Variants in SLCO5A1 observed in about 807,000 individuals in gnomAD.
SLCO5A1 encodes the protein solute carrier organic anion transporter family member 5A1.
A neutral mutation model predicts 65.1 loss-of-function variants in SLCO5A1; 39 were observed. The observed-to-expected ratio is 0.60, with a 90% CI of 0.46 to 0.78. The LOEUF (loss-of-function observed/expected upper bound fraction) is 0.78, where lower values mean the gene tolerates loss of function less well. SLCO5A1 is among the 30% of genes least tolerant of loss of function. The pLI, the probability that SLCO5A1 is intolerant of heterozygous loss-of-function variation, is 0.00. For missense variants in SLCO5A1, 1,029 were observed against 1,069.4 expected (o/e 0.96, Z 0.53); for synonymous variants, 438 against 415.7 (o/e 1.05, Z -0.65).
At chr8:69,697,786 T>C (rs1814563290) in intron 6 of SLCO5A1, among the ~76,000 whole-genome samples, 1 of 152,222 alleles carries the variant, frequency 6.6e-6, no homozygotes, top group Admixed American at 6.5e-5. Context: ...CAGAACATGC[T>C]AGATGACAAA....
At chr8:69,678,390 C>G (rs992223749) in intron 8 of SLCO5A1, among the ~76,000 whole-genome samples, 6 of 152,094 alleles carry the variant, frequency 3.9e-5, no homozygotes, top group Non-Finnish European at 8.8e-5. Context: ...CACCTGGACC[C>G]ATTTAGATTA....
chr8:69,734,730 C>G (rs1473655277), intron 5 of SLCO5A1, among the ~76,000 whole-genome samples: 1 of 152,082 alleles, frequency 6.6e-6, no homozygotes, highest in African/African-American at 2.4e-5. Context: ...GGGTATGTAT[C>G]TAAATAATTT....
intron 2 of SLCO5A1, among the ~76,000 whole-genome samples, chr8:69,787,074 G>T (rs544533726): frequency 6.6e-6 from 1 of 152,322 alleles, no homozygotes; most frequent in East Asian, 1.9e-4. Flanking sequence ...CCCCATGAAT[G>T]CAGCCAGAGT....
At chr8:69,762,996 T>C (rs533343720) in intron 2 of SLCO5A1, among the ~76,000 whole-genome samples, 15 of 152,194 alleles carry the variant, frequency 9.9e-5, no homozygotes, top group Admixed American at 9.2e-4. Context: ...TGTCACTGTA[T>C]CCAAAAATCT....
intron 5 of SLCO5A1, among the ~76,000 whole-genome samples, chr8:69,711,017 C>A (rs1383897035): frequency 6.6e-6 from 1 of 152,096 alleles, no homozygotes; most frequent in Non-Finnish European, 1.5e-5. Context: ...ATACTGTCCC[C>A]CCCACTCAAA....
At chr8:69,757,991 C>T (rs138160262) in intron 3 of SLCO5A1, among the ~76,000 whole-genome samples, 182 of 152,194 alleles carry the variant, frequency 1.2e-3, no homozygotes, top group African/African-American at 4.1e-3. Context: ...ACTATAGGAT[C>T]CTGTGAAAAT....
At chr8:69,683,417 A>C (rs1046737584) in intron 6 of SLCO5A1, among the ~76,000 whole-genome samples, 1 of 152,172 alleles carries the variant, frequency 6.6e-6, no homozygotes, top group African/African-American at 2.4e-5. Context: ...AAATAGATTT[A>C]GAGGGGGTGA....
intron 2 of SLCO5A1, among the ~76,000 whole-genome samples, chr8:69,796,593 G>C (rs1819510059): frequency 1.3e-5 from 2 of 151,418 alleles, no homozygotes; most frequent in Non-Finnish European, 2.9e-5. Flanking sequence ...CTCCAACCTG[G>C]GGAACAAAGC....
Position 69,714,335 on chromosome 8 carries a change from C to T in SLCO5A1, c.1424-9106G>A, listed in dbSNP as rs145547322. Among the ~76,000 whole-genome samples, 59 of 152,324 alleles carry T rather than the reference C, an allele frequency of 3.9e-4. 1 individual carries two copies. In the East Asian group the frequency reaches 6.7e-3, roughly 17 times the overall value. On this transcript the variant is annotated intron_variant, in intron 5 of 9. Coordinates refer to ENST00000260126, the MANE Select transcript of SLCO5A1 (RefSeq NM_030958.3). ...GAGGGGTAGCAAATCCCTATTTGGA[C>T]TTAGGATTAGGAAAGGCAGCCTGCA...
At position 69,683,466 on chromosome 8, in the gene SLCO5A1, G is replaced by A. The variant is rs577687950; in HGVS notation, c.1623-1123C>T. On this transcript the variant is annotated intron_variant, in intron 6 of 9. Coordinates refer to ENST00000260126, the MANE Select transcript of SLCO5A1 (RefSeq NM_030958.3). ...TCATGTGGATATATTGTGTAGTAGC[G>A]AAGTTTGGGCTTTTAGTGAACCCAT... Among the ~76,000 whole-genome samples, 5 of 152,108 alleles carry A rather than the reference G, an allele frequency of 3.3e-5. No individual in the cohort carries two copies. The South Asian group carries it at 6.2e-4, about 19-fold the overall frequency.
At chr8:69,753,776 C>T (rs917830565) in intron 4 of SLCO5A1, among the ~76,000 whole-genome samples, 6 of 151,690 alleles carry the variant, frequency 4.0e-5, no homozygotes, top group African/African-American at 7.3e-5. Flanking sequence ...TTTGAGAGGC[C>T]GAGGAGGGTG....
chr8:69,759,108 C>T (rs553243259), intron 3 of SLCO5A1, among the ~76,000 whole-genome samples: 74 of 152,270 alleles, frequency 4.9e-4, no homozygotes, highest in African/African-American at 1.8e-3. Context: ...ACAAAATAAG[C>T]ACCCAATACA....
intron 2 of SLCO5A1, among the ~76,000 whole-genome samples, chr8:69,784,914 GA>G (rs1196989488): frequency 3.0e-4 from 31 of 103,070 alleles, no homozygotes; most frequent in East Asian, 1.4e-3. Flanking sequence ...AAGAAAGAAA[GA>G]AAGAAAGAAA....
intron 6 of SLCO5A1, among the ~76,000 whole-genome samples, chr8:69,701,120 C>T (rs924248278): frequency 6.6e-6 from 1 of 152,074 alleles, no homozygotes; most frequent in Non-Finnish European, 1.5e-5. Context: ...GAACTCTGAG[C>T]TCATCAGATA....
intron 6 of SLCO5A1, among the ~76,000 whole-genome samples, chr8:69,687,319 G>C (rs1185338705): frequency 6.6e-6 from 1 of 152,108 alleles, no homozygotes; most frequent in East Asian, 1.9e-4. Context: ...AATCAACAAA[G>C]CGCAGTATGT....
At chr8:69,748,545 C>T (rs1317029029) in intron 4 of SLCO5A1, among the ~76,000 whole-genome samples, 1 of 152,166 alleles carries the variant, frequency 6.6e-6, no homozygotes, top group African/African-American at 2.4e-5. Context: ...ATAAATAGAG[C>T]AGAGCATCCA....
At chr8:69,824,572 A>C (rs1197403157) in intron 2 of SLCO5A1, among the ~76,000 whole-genome samples, 1 of 152,204 alleles carries the variant, frequency 6.6e-6, no homozygotes, top group Non-Finnish European at 1.5e-5. Flanking sequence ...CCAAGACTAA[A>C]CCAGGAAGAA....
rs1026533795 is a variant in SLCO5A1, at chr8:69,832,951, G to C, written c.-278C>G. The C allele has an allele frequency of 5.1e-5, 22 of 431,516 alleles. 1 individual carries two copies. In the South Asian group the frequency reaches 9.4e-4, roughly 18 times the overall value. The allele number at this position is 431,516 out of a possible 1,614,324, so 26.7% of individuals were successfully genotyped here. On this transcript the variant is annotated 5_prime_UTR_variant, in exon 2 of 10. Coordinates refer to ENST00000260126, the MANE Select transcript of SLCO5A1 (RefSeq NM_030958.3). This position sits in a 1 kb window ranked among gnomAD's most constrained non-coding sequence, Gnocchi z 4.5. Reference sequence around the variant, plus strand: ...CCCTACTCGGCGTCCCTCTCCGGGCGGTAGCTTGAGGCAGGCGCCTCGCGC... The same window carrying C: ...CCCTACTCGGCGTCCCTCTCCGGGCCGTAGCTTGAGGCAGGCGCCTCGCGC...
chr8:69,698,817 T>A (rs2130804879), intron 6 of SLCO5A1, among the ~76,000 whole-genome samples: 1 of 152,346 alleles, frequency 6.6e-6, no homozygotes, highest in Middle Eastern at 3.4e-3. Flanking sequence ...CCATGTTCCC[T>A]TTCCACGGAA....
Sources: allele counts gnomAD v4.1 joint callset (sites outside exome capture counted in the v4.1 genomes callset), GRCh38; gene constraint gnomAD v4.1.1; non-coding constraint Gnocchi (gnomAD v3.1); transcripts MANE v1.5; gene names NCBI Gene and HGNC (gene_info 2026-07-23, HGNC 2026-07-21).